Variants in DNAAF9 observed in about 807,000 individuals in gnomAD.
DNAAF9 encodes shulin.
A neutral mutation model predicts 167.0 loss-of-function variants in DNAAF9; 90 were observed. The observed-to-expected ratio is 0.54, with a 90% CI of 0.45 to 0.64. DNAAF9 has a LOEUF of 0.64. DNAAF9 is among the 30% of genes least tolerant of loss of function. The pLI is 0.00. For synonymous variants in DNAAF9, 491 were observed against 508.8 expected, an observed-to-expected ratio of 0.96 and a Z score of 0.47; for missense variants, 1,315 against 1,442.2, an observed-to-expected ratio of 0.91 and a Z score of 1.43.
At chr20:3,319,692 T>C (rs1039281205) in intron 16 of DNAAF9, among the ~76,000 whole-genome samples, 5 of 152,076 alleles carry the variant, frequency 3.3e-5, no homozygotes, top group African/African-American at 9.7e-5. Flanking sequence ...CTTGAACGGA[T>C]TGCTGAATTT....
intron 6 of DNAAF9, among the ~76,000 whole-genome samples, chr20:3,362,484 T>C (rs548741201): frequency 3.2e-4 from 49 of 151,158 alleles, no homozygotes; most frequent in Non-Finnish European, 4.9e-4. Flanking sequence ...TTTTCACCTG[T>C]ATAATTTTTT....
chr20:3,271,622 CTTCT>C (rs1568570108), intron 29 of DNAAF9, among the ~76,000 whole-genome samples: 27 of 96,776 alleles, frequency 2.8e-4, no homozygotes, highest in African/African-American at 5.9e-4. Flanking sequence ...TTATTTACTT[CTTCT>C]TTTTTTTTTT....
At chr20:3,374,847 C>T (rs1213228668) in intron 5 of DNAAF9, among the ~76,000 whole-genome samples, 183 bp downstream of exon 5, 1 of 152,152 alleles carries the variant, frequency 6.6e-6, no homozygotes, top group African/African-American at 2.4e-5. Context: ...GCTGCAGAAA[C>T]TTCACAGTAA....
intron 35 of DNAAF9, among the ~76,000 whole-genome samples, chr20:3,254,486 C>T (rs548053824): frequency 6.6e-6 from 1 of 152,282 alleles, no homozygotes; most frequent in Admixed American, 6.5e-5. Context: ...GTACTTAACT[C>T]CTTGTTCACG....
At chr20:3,388,549 T>C (rs1311343887) in intron 1 of DNAAF9, among the ~76,000 whole-genome samples, 1 of 152,136 alleles carries the variant, frequency 6.6e-6, no homozygotes, top group Non-Finnish European at 1.5e-5. Context: ...AGCCAAAAGG[T>C]GGAAGCAACC....
chr20:3,310,307 GGAAA>G (rs1340438467), intron 20 of DNAAF9, among the ~76,000 whole-genome samples: 2 of 84,842 alleles, frequency 2.4e-5, no homozygotes, highest in South Asian at 3.5e-4. Context: ...AAAAAGAAAA[GGAAA>G]GAAAGAAAGG....
chr20:3,325,085 C>T, intron 13 of DNAAF9, 117 bp from the exon 14 acceptor site: 1 of 708,538 alleles, frequency 1.4e-6, no homozygotes, highest in Non-Finnish European at 2.6e-6. Context: ...TACAGTGTGT[C>T]CTTCCCATCT....
At chr20:3,397,839 T>C (rs953320108) in intron 1 of DNAAF9, among the ~76,000 whole-genome samples, 6 of 152,216 alleles carry the variant, frequency 3.9e-5, no homozygotes, top group African/African-American at 1.2e-4. Flanking sequence ...TGTTTTACCA[T>C]GCTTCTAGAT....
chr20:3,321,744 ATTTTT>A (rs201568057), intron 16 of DNAAF9, among the ~76,000 whole-genome samples: 1 of 150,070 alleles, frequency 6.7e-6, no homozygotes, highest in African/African-American at 2.4e-5. Flanking sequence ...AATTAAAAAA[ATTTTT>A]TTTTTTAGAC....
intron 20 of DNAAF9, 40 bp downstream of exon 20, chr20:3,314,993 C>A: frequency 8.7e-7 from 1 of 1,150,982 alleles, no homozygotes; most frequent in Non-Finnish European, 1.3e-6. Context: ...AAATGAGGGA[C>A]CCAGACATGG....
intron 5 of DNAAF9, 64 bp downstream of exon 5, chr20:3,374,966 T>C (rs1429007409): frequency 4.8e-6 from 4 of 836,138 alleles, no homozygotes; most frequent in Non-Finnish European, 8.1e-6. Context: ...AAAGGAAAAG[T>C]AGTGACGTTC....
At chr20:3,295,902 A>T in intron 23 of DNAAF9, 2 of 1,369,184 alleles carry the variant, frequency 1.5e-6, no homozygotes, top group Non-Finnish European at 2.1e-6. Context: ...CCGTCAATTG[A>T]ATGTTCTCTC....
intron 1 of DNAAF9, among the ~76,000 whole-genome samples, chr20:3,402,886 G>A (rs879923537): frequency 1.3e-5 from 2 of 152,172 alleles, no homozygotes; most frequent in Non-Finnish European, 2.9e-5. Context: ...AGATCATGTG[G>A]TCCTGGCATG....
intron 30 of DNAAF9, among the ~76,000 whole-genome samples, chr20:3,267,898 C>T (rs1170401431): frequency 1.3e-5 from 2 of 152,090 alleles, no homozygotes; most frequent in African/African-American, 4.8e-5. Flanking sequence ...TTCATAATCT[C>T]CTCTCTTCAA....
chr20:3,361,663 C>T (rs1348390305), intron 6 of DNAAF9, among the ~76,000 whole-genome samples: 1 of 152,230 alleles, frequency 6.6e-6, no homozygotes, highest in Non-Finnish European at 1.5e-5. Context: ...ACAGTGGCTA[C>T]ACTTGACAGG....
intron 4 of DNAAF9, 56 bp downstream of exon 4, chr20:3,376,122 C>A (rs1457206439): frequency 1.3e-6 from 2 of 1,508,610 alleles, no homozygotes; most frequent in Non-Finnish European, 1.8e-6. Flanking sequence ...TCAACACTTT[C>A]CTTAAAGAGT....
chr20:3,316,861 C>A (rs941555132), intron 17 of DNAAF9, 68 bp from the exon 18 acceptor site: 10 of 1,005,052 alleles, frequency 9.9e-6, no homozygotes, highest in African/African-American at 4.8e-5. Context: ...GGCCCCAGAC[C>A]CTAAATGCCC....
intron 25 of DNAAF9, among the ~76,000 whole-genome samples, 198 bp from the exon 26 acceptor site, chr20:3,290,415 A>T (rs2068930005): frequency 6.6e-6 from 1 of 152,246 alleles, no homozygotes; most frequent in South Asian, 2.1e-4. Context: ...TAACATAAGC[A>T]AAGTGTTTAG....
intron 1 of DNAAF9, among the ~76,000 whole-genome samples, chr20:3,398,344 A>G (rs867761598): frequency 1.3e-5 from 2 of 152,196 alleles, no homozygotes. Flanking sequence ...TATCTCCCCA[A>G]TATCCTTTCC....
Sources: allele counts gnomAD v4.1 joint callset (sites outside exome capture counted in the v4.1 genomes callset), GRCh38; gene constraint gnomAD v4.1.1; transcripts MANE v1.5; gene names NCBI Gene and HGNC (gene_info 2026-07-23, HGNC 2026-07-21).